Variants in GALNT9 observed in about 807,000 individuals in gnomAD.
GALNT9 encodes GalNAc transferase 9.
GALNT9 carries 47 observed loss-of-function variants against 63.1 expected under a neutral mutation model. The observed-to-expected ratio is 0.75, with a 90% confidence interval of 0.59 to 0.95. GALNT9 has a LOEUF of 0.95. Ranked by LOEUF, GALNT9 falls within the 40% of genes least tolerant of loss-of-function variation. The pLI, the probability that GALNT9 is intolerant of heterozygous loss-of-function variation, is 0.00. For synonymous variants in GALNT9, 396 were observed against 365.7 expected (o/e 1.08, Z -0.94); for missense variants, 829 against 874.8 (o/e 0.95, Z 0.66).
intron 7 of GALNT9, among the ~76,000 whole-genome samples, chr12:132,202,923 CAT>C (rs1565983329): frequency 6.6e-6 from 1 of 152,188 alleles, no homozygotes. Context: ...GTCAGCCACT[CAT>C]AGGCCAAAGC....
At chr12:132,203,780 C>A in intron 6 of GALNT9, 90 bp from the exon 7 acceptor site, 1 of 1,414,840 alleles carries the variant, frequency 7.1e-7, no homozygotes, top group Non-Finnish European at 9.6e-7. Flanking sequence ...CCAAGGGGCC[C>A]GGCCCTCTGT....
At chr12:132,302,460 T>C (rs1323978071) in intron 1 of GALNT9, among the ~76,000 whole-genome samples, 2 of 152,236 alleles carry the variant, frequency 1.3e-5, no homozygotes, top group African/African-American at 4.8e-5. Flanking sequence ...TAAACATAAC[T>C]TTGATGGCTG....
chr12:132,203,689 A>G lies in GALNT9; in HGVS notation c.1079T>C (p.Val360Ala), dbSNP rs752293702. Reference protein sequence around the residue: ...GGENVELGMRVWQCGGSMEVL... With the variant: ...GGENVELGMRAWQCGGSMEVL... ...CTCCATGCTGCCGCCACACTGCCAC[A>G]CCTGCGGGGAGACGGCGCTGGGTGC... Residue 360 changes from valine (V) to alanine (A), a missense_variant and splice_region_variant, in exon 7 of 11, where the codon GTG (valine) becomes GCG (alanine). By Grantham distance (64) the Val-to-Ala change is moderately conservative (BLOSUM62 0). Transcript: ENST00000328957. The G allele has an allele frequency of 5.0e-6, 8 of 1,611,264 alleles. No individual in the cohort carries two copies. The highest frequency in any genetic ancestry group is 6.8e-6 in the Non-Finnish European group (8 of 1,179,438).
intron 6 of GALNT9, among the ~76,000 whole-genome samples, chr12:132,209,719 G>A (rs1428474409): frequency 2.0e-5 from 3 of 152,166 alleles, no homozygotes; most frequent in Non-Finnish European, 2.9e-5. Flanking sequence ...CCATGGGAAC[G>A]TCAGGAAGTT....
intron 4 of GALNT9, among the ~76,000 whole-genome samples, chr12:132,260,534 C>A (rs916495388): frequency 6.6e-6 from 1 of 152,210 alleles, no homozygotes; most frequent in Non-Finnish European, 1.5e-5. Context: ...CCTGAGAGGC[C>A]GGACTTCTGC....
chr12:132,205,722 ACCTG>A (rs1361366804), intron 6 of GALNT9: 1 of 152,160 alleles, frequency 6.6e-6, no homozygotes, highest in Non-Finnish European at 1.5e-5. Context: ...CTGTGGGACA[ACCTG>A]CCTGAGAAAA....
chr12:132,263,314 A>G (rs79339770), intron 2 of GALNT9, among the ~76,000 whole-genome samples: 1,925 of 152,362 alleles, frequency 0.013, 40 homozygotes, highest in African/African-American at 0.043. Context: ...GCTTTCTGAC[A>G]AGAAAACGTC....
chr12:132,251,813 C>G (rs1394117575), intron 5 of GALNT9, among the ~76,000 whole-genome samples: 1 of 152,196 alleles, frequency 6.6e-6, no homozygotes, highest in Non-Finnish European at 1.5e-5. Flanking sequence ...CCTGGAGGGG[C>G]TGGTGGCACA....
chr12:132,293,943 G>A (rs1880956897), intron 1 of GALNT9, among the ~76,000 whole-genome samples: 1 of 152,290 alleles, frequency 6.6e-6, no homozygotes, highest in Non-Finnish European at 1.5e-5. Flanking sequence ...GCTGGAACGA[G>A]AAGTGGAGCC....
At chr12:132,243,253 C>T (rs1878521198) in intron 6 of GALNT9, among the ~76,000 whole-genome samples, 1 of 144,452 alleles carries the variant, frequency 6.9e-6, no homozygotes, top group South Asian at 2.2e-4. Context: ...TTCCCGGGGC[C>T]CTCCCTATAC....
At chr12:132,228,330 CGG>C in intron 6 of GALNT9, among the ~76,000 whole-genome samples, 1 of 152,038 alleles carries the variant, frequency 6.6e-6, no homozygotes, top group South Asian at 2.1e-4. Context: ...GTGTGGGTGG[CGG>C]GGCGGCCCGT....
chr12:132,202,612 A>T (rs1876245103), intron 7 of GALNT9, among the ~76,000 whole-genome samples: 1 of 151,090 alleles, frequency 6.6e-6, no homozygotes. Flanking sequence ...ACAGATGTAA[A>T]TGTATGCGTG....
Position 132,296,463 on chromosome 12 carries a change from A to T in GALNT9, c.239-10033T>A, listed in dbSNP as rs1555243258. On this transcript the variant is annotated intron_variant, in intron 1 of 10. Transcript: ENST00000328957. This position sits in a 1 kb window ranked among gnomAD's most constrained non-coding sequence, Gnocchi z 4.2. The stretch of plus-strand genomic sequence containing the variant: ...ATCAATCCCAAGTTTTCCTCTTTGA[A>T]ATCCCAGCTTCCTCCTCCAGACAGA... 6.6e-6 allele frequency among the ~76,000 whole-genome samples: 1 copy of T among 152,214 alleles called. No individual in the cohort carries two copies. Among genetic ancestry groups the T allele is most frequent in the Non-Finnish European group, 1.5e-5 (1 of 68,036 alleles).
intron 6 of GALNT9, among the ~76,000 whole-genome samples, chr12:132,226,997 T>TC (rs1378899897): frequency 1.8e-5 from 2 of 113,954 alleles, no homozygotes; most frequent in East Asian, 2.6e-4. Context: ...TACACACCCA[T>TC]CCCCCCCACA....
At chr12:132,221,456 C>G (rs1167659273) in intron 6 of GALNT9, among the ~76,000 whole-genome samples, 2 of 148,676 alleles carry the variant, frequency 1.3e-5, no homozygotes, top group Non-Finnish European at 3.0e-5. Flanking sequence ...GTCAGGAGTT[C>G]AAGACCAGCC....
chr12:132,268,137 TCA>T (rs369914909), intron 2 of GALNT9, among the ~76,000 whole-genome samples: 5 of 147,866 alleles, frequency 3.4e-5, no homozygotes, highest in East Asian at 4.1e-4. Flanking sequence ...ACACTCACGC[TCA>T]CACACACGCA....
chr12:132,240,943 C>T (rs1878283982), intron 6 of GALNT9, among the ~76,000 whole-genome samples: 1 of 143,646 alleles, frequency 7.0e-6, no homozygotes, highest in Non-Finnish European at 1.5e-5. Context: ...ACACGCCACA[C>T]CCCCTTCCCG....
intron 1 of GALNT9, among the ~76,000 whole-genome samples, chr12:132,293,528 GC>G: frequency 6.6e-6 from 1 of 152,322 alleles, no homozygotes; most frequent in South Asian, 2.1e-4. Context: ...AGACACTTGT[GC>G]CCTGGGTACC....
chr12:132,287,541 G>A lies in GALNT9; in HGVS notation c.239-1111C>T, dbSNP rs553530165. Among the ~76,000 whole-genome samples, 33 of 152,270 alleles carry A rather than the reference G, an allele frequency of 2.2e-4. No individual in the cohort carries two copies. The East Asian group carries it at 2.5e-3, about 12-fold the overall frequency. ...CCGAGACGTGGCTCACACACGTGAC[G>A]CCAAGCCAAAGATCAACACAGGAGA... is the stretch of plus-strand genomic sequence containing the variant. On this transcript the variant is annotated intron_variant, in intron 1 of 10. Coordinates refer to ENST00000328957, the MANE Select transcript of GALNT9 (RefSeq NM_001122636.2).
Sources: gnomAD v4.1 joint callset for allele counts (sites outside exome capture counted in the v4.1 genomes callset) on GRCh38, gnomAD v4.1.1 for gene constraint, Gnocchi (gnomAD v3.1) non-coding constraint, MANE v1.5 for transcripts, NCBI Gene and HGNC (gene_info 2026-07-23, HGNC 2026-07-21) for gene names.